Variants in ARHGEF1 observed in about 807,000 individuals in gnomAD.
ARHGEF1 encodes the protein 115 kDa guanine nucleotide exchange factor.
Under a neutral mutation model 119.7 loss-of-function variants are expected in ARHGEF1, and 40 were observed. That is an observed-to-expected ratio of 0.33 (90% confidence interval 0.26 to 0.44). The LOEUF (loss-of-function observed/expected upper bound fraction) is 0.44, where lower values mean the gene tolerates loss of function less well. Ranked by LOEUF, ARHGEF1 falls within the 20% of genes least tolerant of loss-of-function variation. The probability of loss-of-function intolerance (pLI) is 1.00; values close to 1 mark genes in which losing one functional copy is unlikely to be tolerated. For missense variants in ARHGEF1, 976 were observed against 1,268.3 expected (o/e 0.77, Z 3.50); for synonymous variants, 494 against 521.0 (o/e 0.95, Z 0.71).
Position 41,892,785 on chromosome 19 carries a change from G to C in ARHGEF1, c.550G>C (p.Ala184Pro). The change falls in exon 7 of 29, where the codon GCC becomes CCC. Residue 184 changes from alanine (A) to proline (P), a missense_variant. Physicochemically the swap from Ala to Pro is conservative, Grantham distance 27. This residue lies in a region of ARHGEF1 where 519 missense variants were observed against 580.9 expected (regional missense o/e 0.89). Coordinates refer to ENST00000354532, the MANE Select transcript of ARHGEF1 (RefSeq NM_004706.4). The surrounding 1 kb of genome is among the most constrained non-coding windows in gnomAD (Gnocchi z 6.3). ...GGAGGCTTGGGTTGGGCGGGACCGAGCCAGCTACGAGGCCCGGGAGCGGCA... is the reference window on the plus strand; with the variant it reads ...GGAGGCTTGGGTTGGGCGGGACCGACCCAGCTACGAGGCCCGGGAGCGGCA... ...QLEAWVGRDR[A>P]SYEARERHVA... is the part of the protein sequence containing the mutation. 2 of 1,600,870 alleles carry C rather than the reference G, an allele frequency of 1.2e-6. No individual in the cohort carries two copies. The highest frequency in any genetic ancestry group is 1.7e-6 in the Non-Finnish European group (2 of 1,175,746).
intron 1 of ARHGEF1, among the ~76,000 whole-genome samples, chr19:41,884,111 C>A (rs2074257651): frequency 6.6e-6 from 1 of 152,150 alleles, no homozygotes; most frequent in Non-Finnish European, 1.5e-5. Flanking sequence ...GAGTGCTCAG[C>A]GCTGGGGTGA....
rs1205556653 is a variant in ARHGEF1, at chr19:41,917,851, T to G, written c.1866-5241T>G. Reference sequence around the variant, plus strand: ...GGGACGGCTGCCAGCCCCACCCATCTGTTGCCACACAAACGAGCCCCCAAC... The same window carrying G: ...GGGACGGCTGCCAGCCCCACCCATCGGTTGCCACACAAACGAGCCCCCAAC... On this transcript the variant is annotated intron_variant, in intron 18 of 20. Transcript: ENST00000599589. The surrounding 1 kb of genome is among the most constrained non-coding windows in gnomAD (Gnocchi z 4.8). 6.6e-6 allele frequency among the ~76,000 whole-genome samples: 1 copy of G among 151,898 alleles called. No individual in the cohort carries two copies. Among genetic ancestry groups the G allele is most frequent in the Non-Finnish European group, 1.5e-5 (1 of 67,962 alleles).
Position 41,905,516 on chromosome 19 carries a change from A to C in ARHGEF1, c.2337-244A>C, listed in dbSNP as rs1005289285. The C allele has an allele frequency of 5.4e-5, 33 of 613,320 alleles. No homozygotes were observed. In the African/African-American group the frequency reaches 5.9e-4, roughly 11 times the overall value. The allele number at this position is 613,320 out of a possible 1,614,324, so 38.0% of individuals were successfully genotyped here. Reference sequence around the variant, plus strand: ...ATGCATATGTGTGCATGCGTGTGACAGCATGTGCATGCATGTGTGTGTGTG... The same window carrying C: ...ATGCATATGTGTGCATGCGTGTGACCGCATGTGCATGCATGTGTGTGTGTG... On this transcript the variant is annotated intron_variant, in intron 24 of 28. Coordinates refer to ENST00000354532, the MANE Select transcript of ARHGEF1 (RefSeq NM_004706.4). The surrounding 1 kb of genome is among the most constrained non-coding windows in gnomAD (Gnocchi z 6.4).
At chr19:41,923,165 A>C (rs1475287944) in exon 1 of ARHGEF1, 12 of 456,332 alleles carry the variant, frequency 2.6e-5, no homozygotes, top group African/African-American at 1.4e-4. Context: ...GTGGAAACTG[A>C]GGTTCTGACA....
intron 18 of ARHGEF1, among the ~76,000 whole-genome samples, chr19:41,914,888 T>C (rs114941260): frequency 0.011 from 182 of 17,136 alleles, 15 homozygotes; most frequent in African/African-American, 0.076. Flanking sequence ...CTCCCCTCCA[T>C]CATCTCTGTC....
rs768653813 is a variant in ARHGEF1, at chr19:41,906,945, G to A, written c.*17+142G>A. Reference sequence around the variant, plus strand: ...ACTCCACCTCGTGTTTCTCATCTCTGTGTCTCTGTTTCTGATAATCTGTTT... The same window carrying A: ...ACTCCACCTCGTGTTTCTCATCTCTATGTCTCTGTTTCTGATAATCTGTTT... On this transcript the variant is annotated intron_variant, in intron 28 of 28. Transcript: ENST00000354532. The surrounding 1 kb of genome is among the most constrained non-coding windows in gnomAD (Gnocchi z 4.5). The A allele has an allele frequency of 2.6e-4, 248 of 952,776 alleles. No individual in the cohort carries two copies. Among genetic ancestry groups the A allele is most frequent in the Non-Finnish European group, 3.7e-4 (242 of 658,336 alleles). 59.0% of individuals were successfully genotyped at this position (952,776 alleles called of 1,614,324 possible).
chr19:41,908,263 T>TG (rs1216275352), downstream of ARHGEF1: 129 of 1,231,558 alleles, frequency 1.0e-4, no homozygotes, highest in South Asian at 1.2e-4. This position sits in a 1 kb window ranked among gnomAD's most constrained non-coding sequence, Gnocchi z 6.7. Context: ...GCCTTTGCCT[T>TG]GGGGGGTGCC....
Position 41,906,225 on chromosome 19 carries a change from T to C in ARHGEF1, c.2491+200T>C, listed in dbSNP as rs575023374. ...CCACCATCCCTTGCTTGATTCTATA[T>C]TTAGCCTCTTCCTGAACACATCTCT... On this transcript the variant is annotated intron_variant, in intron 26 of 28. Coordinates refer to ENST00000354532, the MANE Select transcript of ARHGEF1 (RefSeq NM_004706.4). This position sits in a 1 kb window ranked among gnomAD's most constrained non-coding sequence, Gnocchi z 4.5. The C allele has an allele frequency of 8.4e-5, 56 of 663,064 alleles. No individual in the cohort carries two copies. The African/African-American group carries it at 8.7e-4, about 10-fold the overall frequency. 41.1% of individuals were successfully genotyped at this position (663,064 alleles called of 1,614,324 possible).
chr19:41,912,656 G>T (rs928686946), intron 18 of ARHGEF1, among the ~76,000 whole-genome samples: 1 of 152,210 alleles, frequency 6.6e-6, no homozygotes, highest in Admixed American at 6.5e-5. Flanking sequence ...CAGCACGCAG[G>T]GGGCAGGGGA....
chr19:41,902,897 A>G lies in ARHGEF1; in HGVS notation c.1737A>G (p.Thr579=), dbSNP rs1425486728. ...PLLLQSIGQN[T]EEPTEREKVE... is the part of the protein sequence containing the mutation. ...TCCTGCAGAGCATCGGGCAGAACACAGGTACCGCGGGCCTGGATCTCTGGG... is the reference window on the plus strand; with the variant it reads ...TCCTGCAGAGCATCGGGCAGAACACGGGTACCGCGGGCCTGGATCTCTGGG... The change falls in exon 18 of 29, where the codon ACA becomes ACG. Residue 579 remains threonine (T), a splice_region_variant and synonymous_variant. Transcript: ENST00000354532. This position sits in a 1 kb window ranked among gnomAD's most constrained non-coding sequence, Gnocchi z 6.5. The G allele has an allele frequency of 8.8e-6, 14 of 1,587,630 alleles. No homozygotes were observed. Among genetic ancestry groups the G allele is most frequent in the Non-Finnish European group, 1.2e-5 (14 of 1,167,548 alleles).
In ARHGEF1 at chr19:41,903,668, A is replaced by G. The variant is rs781969650; in HGVS notation, c.1840-39A>G. The G allele has an allele frequency of 3.1e-6, 5 of 1,603,990 alleles. No individual in the cohort carries two copies. In the African/African-American group the frequency reaches 6.7e-5, roughly 21 times the overall value. ...TGGGTCACTGCAGGTCAGCCCCAGC[A>G]CTTAGCTTGTCCCCATAATGCTCCC... On this transcript the variant is annotated intron_variant, in intron 19 of 28. Transcript: ENST00000354532. This position sits in a 1 kb window ranked among gnomAD's most constrained non-coding sequence, Gnocchi z 4.2.
intron 18 of ARHGEF1, among the ~76,000 whole-genome samples, chr19:41,915,277 C>G (rs1420969417): frequency 1.3e-5 from 2 of 151,482 alleles, no homozygotes; most frequent in Admixed American, 6.6e-5. Context: ...CACGCTCCCC[C>G]CGCCGTGTCT....
Position 41,883,611 on chromosome 19 carries a change from C to T in ARHGEF1, c.-20+322C>T, listed in dbSNP as rs1310315716. Among the ~76,000 whole-genome samples the T allele has an allele frequency of 6.6e-6, 1 of 152,182 alleles. No individual in the cohort carries two copies. Among genetic ancestry groups the T allele is most frequent in the Non-Finnish European group, 1.5e-5 (1 of 68,034 alleles). ...ACCGAGGCCCGGGGAGCCAAACCGA[C>T]TCGTCCCAGGGAACGCACATCGTGA... On this transcript the variant is annotated intron_variant, in intron 1 of 28. Transcript: ENST00000354532. The surrounding 1 kb of genome is among the most constrained non-coding windows in gnomAD (Gnocchi z 7.6).
chr19:41,922,874 C>G (rs537022917), upstream of ARHGEF1, among the ~76,000 whole-genome samples: 1 of 152,328 alleles, frequency 6.6e-6, no homozygotes, highest in Admixed American at 6.5e-5. Flanking sequence ...CGATCCCTGT[C>G]CCCAGCCCCA....
At chr19:41,912,801 T>G (rs1409445301) in intron 18 of ARHGEF1, 1 of 320,770 alleles carries the variant, frequency 3.1e-6, no homozygotes, top group African/African-American at 6.8e-5. Flanking sequence ...TGCGGCTCAC[T>G]GGGGAAGCCT....
chr19:41,884,372 G>A, intron 1 of ARHGEF1: 2 of 1,537,320 alleles, frequency 1.3e-6, no homozygotes, highest in Non-Finnish European at 1.8e-6. Flanking sequence ...GTGGAGCTGG[G>A]CGCAAAGGTG....
intron 1 of ARHGEF1, among the ~76,000 whole-genome samples, chr19:41,926,714 G>A (rs572662906): frequency 1.3e-5 from 2 of 152,248 alleles, no homozygotes; most frequent in African/African-American, 4.8e-5. Flanking sequence ...GGCCGGCCGG[G>A]AGGGGGGAGC....
At chr19:41,909,827 G>A, downstream of ARHGEF1, 2 of 1,553,318 alleles carry the variant, frequency 1.3e-6, no homozygotes, top group South Asian at 1.2e-5. This position sits in a 1 kb window ranked among gnomAD's most constrained non-coding sequence, Gnocchi z 5.2. Flanking sequence ...TGGGGGAAAA[G>A]GACAAGGTGG....
rs1568825485 is a variant in ARHGEF1, at chr19:41,905,508, CGTGTG to C, written c.2336+248_2337-247del. Reference sequence around the variant, plus strand: ...GTGTGTGTATGCATATGTGTGCATGCGTGTGACAGCATGTGCATGCATGTGTGTGT... The same window carrying C: ...GTGTGTGTATGCATATGTGTGCATGCACAGCATGTGCATGCATGTGTGTGT... On this transcript the variant is annotated intron_variant, in intron 24 of 28. Transcript: ENST00000354532. The surrounding 1 kb of genome is among the most constrained non-coding windows in gnomAD (Gnocchi z 6.4). The C allele has an allele frequency of 5.1e-5, 31 of 612,904 alleles. 1 individual carries two copies. The highest frequency in any genetic ancestry group is 4.1e-4 in the African/African-American group (22 of 54,064). The allele number at this position is 612,904 out of a possible 1,614,324, so 38.0% of individuals were successfully genotyped here.
Sources: gnomAD v4.1 joint callset for allele counts (sites outside exome capture counted in the v4.1 genomes callset) on GRCh38, gnomAD v4.1.1 for gene constraint, gnomAD v4.1.1 regional missense constraint, Gnocchi (gnomAD v3.1) non-coding constraint, MANE v1.5 for transcripts, NCBI Gene and HGNC (gene_info 2026-07-23, HGNC 2026-07-21) for gene names.